Variants in TUBG1 observed in about 807,000 individuals in gnomAD.
The protein encoded by TUBG1 is tubulin gamma-1 chain.
A neutral mutation model predicts 53.3 loss-of-function variants in TUBG1; 22 were observed. That is an observed-to-expected ratio of 0.41 (90% CI 0.29 to 0.59). The LOEUF (loss-of-function observed/expected upper bound fraction) is 0.59. Ranked by LOEUF, TUBG1 falls within the 20% of genes least tolerant of loss-of-function variation. TUBG1 has a pLI of 0.26. For missense variants in TUBG1, 217 were observed against 598.9 expected (o/e 0.36, Z 6.66); for synonymous variants, 198 against 236.7 (o/e 0.84, Z 1.50).
chr17:42,609,751 T>TC lies in TUBG1; in HGVS notation c.15dup (p.Ile6HisfsTer41). On this transcript the variant is annotated frameshift_variant, in exon 1 of 11. Coordinates refer to ENST00000251413, the MANE Select transcript of TUBG1 (RefSeq NM_001070.5). LOFTEE classifies it high-confidence loss of function. ...GCCTGAGGAGCGATGCCGAGGGAAA[T>TC]CATCACCCTACAGTTGGGCCAGTGC... 2 of 1,550,954 alleles carry TC rather than the reference T, an allele frequency of 1.3e-6. No homozygotes were observed. The highest frequency in any genetic ancestry group is 1.7e-6 in the Non-Finnish European group (2 of 1,146,716).
Position 42,614,836 on chromosome 17 carries a change from AC to A in TUBG1, c.1159-4del, listed in dbSNP as rs1437095447. 1.2e-6 allele frequency: 2 copies of A among 1,614,052 alleles called. No homozygotes were observed. Among genetic ancestry groups the A allele is most frequent in the South Asian group, 2.2e-5 (2 of 91,082 alleles). On this transcript the variant is annotated splice_polypyrimidine_tract_variant and splice_region_variant and intron_variant, in intron 10 of 10. Coordinates refer to ENST00000251413, the MANE Select transcript of TUBG1 (RefSeq NM_001070.5). This position sits in a 1 kb window ranked among gnomAD's most constrained non-coding sequence, Gnocchi z 5.1. ...TCTTTGTAACCCCTGTTTTCTGCACACCCCAAGCTCTTCGAGAGAACCTGTC... is the reference window on the plus strand; with the variant it reads ...TCTTTGTAACCCCTGTTTTCTGCACACCCAAGCTCTTCGAGAGAACCTGTC...
chr17:42,612,647 C>G, intron 5 of TUBG1, 141 bp downstream of exon 5: 3 of 856,224 alleles, frequency 3.5e-6, no homozygotes, highest in Non-Finnish European at 5.5e-6. Context: ...AATGAAGTTA[C>G]AATGACTGAG....
chr17:42,612,872 G>T, intron 5 of TUBG1, 75 bp from the exon 6 acceptor site: 1 of 1,586,232 alleles, frequency 6.3e-7, no homozygotes, highest in South Asian at 1.1e-5. Context: ...ATCTGCTTCT[G>T]GACAGTTGTT....
At chr17:42,613,138 A>G in intron 6 of TUBG1, 65 bp downstream of exon 6, 5 of 1,559,818 alleles carry the variant, frequency 3.2e-6, no homozygotes, top group Non-Finnish European at 4.3e-6. Context: ...CTATTAAATC[A>G]TTTTCATGTA....
chr17:42,614,672 T>G lies in TUBG1; in HGVS notation c.1158+15T>G, dbSNP rs1443297674. On this transcript the variant is annotated intron_variant, in intron 10 of 10. Transcript: ENST00000251413. This position sits in a 1 kb window ranked among gnomAD's most constrained non-coding sequence, Gnocchi z 5.1. ...GCATCTCCTCGGTGAGTCTCAAAGT[T>G]TGCACCTTTTTTCCCTGAATCAGTT... The G allele has an allele frequency of 6.2e-7, 1 of 1,613,438 alleles. No homozygotes were observed. Among genetic ancestry groups the G allele is most frequent in the Admixed American group, 1.7e-5 (1 of 59,980 alleles).
At position 42,615,151 on chromosome 17, in the gene TUBG1, T is replaced by C. The variant is rs1446767138; in HGVS notation, c.*110T>C. Reference sequence around the variant, plus strand: ...GGACCTCACGCATCTCTTTCTCATATACATGGACTCTCTGTTGGCCTGCAA... The same window carrying C: ...GGACCTCACGCATCTCTTTCTCATACACATGGACTCTCTGTTGGCCTGCAA... On this transcript the variant is annotated 3_prime_UTR_variant, in exon 11 of 11. Transcript: ENST00000251413. The C allele has an allele frequency of 2.2e-5, 22 of 999,254 alleles. No individual in the cohort carries two copies. The East Asian group carries it at 5.3e-4, about 24-fold the overall frequency. The allele number at this position is 999,254 out of a possible 1,614,324, so 61.9% of individuals were successfully genotyped here.
intron 7 of TUBG1, 24 bp from the exon 8 acceptor site, chr17:42,613,825 A>AT: frequency 6.2e-7 from 1 of 1,614,120 alleles, no homozygotes; most frequent in Non-Finnish European, 8.5e-7. Flanking sequence ...GCTGAGGCCC[A>AT]TAACATGGCA....
In TUBG1 at chr17:42,615,110, TCAGAGCA is replaced by T. The variant is rs1479159597; in HGVS notation, c.*74_*80del. The T allele has an allele frequency of 3.3e-6, 5 of 1,522,150 alleles. No individual in the cohort carries two copies. Among genetic ancestry groups the T allele is most frequent in the Non-Finnish European group, 4.5e-6 (5 of 1,104,034 alleles). The allele number at this position is 1,522,150 out of a possible 1,614,324, so 94.3% of individuals were successfully genotyped here. A position where few individuals can be genotyped will look rare whatever the true frequency, so the allele number is the denominator to read the frequency against. ...AAGCCCTGCCTGACTGACCACCCCC[TCAGAGCA>T]CAGATCAGGGACCTCACGCATCTCT... On this transcript the variant is annotated 3_prime_UTR_variant, in exon 11 of 11. Coordinates refer to ENST00000251413, the MANE Select transcript of TUBG1 (RefSeq NM_001070.5).
Position 42,614,041 on chromosome 17 carries a change from C to A in TUBG1, c.843+43C>A. The A allele has an allele frequency of 6.2e-7, 1 of 1,613,548 alleles. No homozygotes were observed. Among genetic ancestry groups the A allele is most frequent in the Non-Finnish European group, 8.5e-7 (1 of 1,179,668 alleles). On this transcript the variant is annotated intron_variant, in intron 8 of 10. Transcript: ENST00000251413. The surrounding 1 kb of genome is among the most constrained non-coding windows in gnomAD (Gnocchi z 5.1). ...TGTCCCAGGCCAGGCCGGCCCTGGG[C>A]CCAACAGGCCCTGTCCTAGCCTTTC...
intron 3 of TUBG1, 102 bp downstream of exon 3, chr17:42,610,692 T>C: frequency 6.5e-7 from 1 of 1,543,350 alleles, no homozygotes; most frequent in African/African-American, 1.4e-5. Context: ...GTATGAATGC[T>C]GGAGGGAGAG....
At position 42,615,050 on chromosome 17, in the gene TUBG1, G is replaced by A. The variant is rs1355128116; in HGVS notation, c.*9G>A. The A allele has an allele frequency of 1.9e-6, 3 of 1,613,784 alleles. No individual in the cohort carries two copies. The highest frequency in any genetic ancestry group is 1.7e-5 in the Admixed American group (1 of 60,006). Reference sequence around the variant, plus strand: ...GCACCCAGGAGCAGTGAGTCCCCCAGGACAGGGACCCTCATCTGCCTTACT... The same window carrying A: ...GCACCCAGGAGCAGTGAGTCCCCCAAGACAGGGACCCTCATCTGCCTTACT... On this transcript the variant is annotated 3_prime_UTR_variant, in exon 11 of 11. Transcript: ENST00000251413.
Position 42,613,923 on chromosome 17 carries a change from C to T in TUBG1, c.768C>T (p.Leu256=), listed in dbSNP as rs2052055580. 1.2e-6 allele frequency: 2 copies of T among 1,614,220 alleles called. No individual in the cohort carries two copies. Among genetic ancestry groups the T allele is most frequent in the Non-Finnish European group, 1.7e-6 (2 of 1,180,044 alleles). ...PGYMNNDLIG[L]IASLIPTPRL... ...ACATGAACAATGACCTCATCGGCCT[C>T]ATCGCCTCGCTCATTCCCACCCCAC... is the stretch of plus-strand genomic sequence containing the variant. Residue 256 remains leucine, a synonymous_variant, in exon 8 of 11, where the codon CTC becomes CTT. Coordinates refer to ENST00000251413, the MANE Select transcript of TUBG1 (RefSeq NM_001070.5).
At chr17:42,611,366 C>A (rs144983059) in intron 3 of TUBG1, 51 of 152,210 alleles carry the variant, frequency 3.4e-4, no homozygotes, top group African/African-American at 1.2e-3. Flanking sequence ...ATAAAAATTC[C>A]CACTGGAATT....
Position 42,615,227 on chromosome 17 carries a change from G to A in TUBG1, c.*186G>A, listed in dbSNP as rs1473885833. On this transcript the variant is annotated 3_prime_UTR_variant, in exon 11 of 11. Transcript: ENST00000251413. Reference sequence around the variant, plus strand: ...ACTATTTATCTTTAATAAAGCACTGGATATAAATCAAGTCACTGCTCCCTT... The same window carrying A: ...ACTATTTATCTTTAATAAAGCACTGAATATAAATCAAGTCACTGCTCCCTT... The A allele has an allele frequency of 1.7e-6, 1 of 595,850 alleles. No individual in the cohort carries two copies. The highest frequency in any genetic ancestry group is 2.9e-6 in the Non-Finnish European group (1 of 342,518). 36.9% of individuals were successfully genotyped at this position (595,850 alleles called of 1,614,324 possible).
At chr17:42,612,861 T>C in intron 5 of TUBG1, 86 bp from the exon 6 acceptor site, 1 of 1,558,608 alleles carries the variant, frequency 6.4e-7, no homozygotes, top group Non-Finnish European at 8.7e-7. Flanking sequence ...CATCAAGATT[T>C]ATCTGCTTCT....
In TUBG1 at chr17:42,613,935, C is replaced by G. The variant is rs1386230636; in HGVS notation, c.780C>G (p.Leu260=). The change falls in exon 8 of 11, where the codon CTC becomes CTG. Residue 260 remains leucine, a synonymous_variant. Coordinates refer to ENST00000251413, the MANE Select transcript of TUBG1 (RefSeq NM_001070.5). ...NNDLIGLIAS[L]IPTPRLHFLM... is the part of the protein sequence containing the mutation. Reference sequence around the variant, plus strand: ...ACCTCATCGGCCTCATCGCCTCGCTCATTCCCACCCCACGGCTCCACTTCC... The same window carrying G: ...ACCTCATCGGCCTCATCGCCTCGCTGATTCCCACCCCACGGCTCCACTTCC... The G allele has an allele frequency of 1.2e-6, 2 of 1,614,092 alleles. No individual in the cohort carries two copies. The highest frequency in any genetic ancestry group is 2.7e-5 in the African/African-American group (2 of 74,924).
chr17:42,613,601 G>C (rs2052052738), intron 6 of TUBG1, 46 bp from the exon 7 acceptor site: 2 of 1,613,918 alleles, frequency 1.2e-6, no homozygotes, highest in Non-Finnish European at 1.7e-6. Context: ...CAGAGCTCCT[G>C]TTTTTCTTAT....
chr17:42,614,060 GC>G lies in TUBG1; in HGVS notation c.843+64del. ...CCTGGGCCCAACAGGCCCTGTCCTA[GC>G]CTTTCTCTCTTCCCCACTGCCCCAG... On this transcript the variant is annotated intron_variant, in intron 8 of 10. Transcript: ENST00000251413. This position sits in a 1 kb window ranked among gnomAD's most constrained non-coding sequence, Gnocchi z 5.1. 1 of 1,610,248 alleles carries G rather than the reference GC, an allele frequency of 6.2e-7. No individual in the cohort carries two copies. Among genetic ancestry groups the G allele is most frequent in the South Asian group, 1.1e-5 (1 of 90,780 alleles).
chr17:42,615,210 T>G lies in TUBG1; in HGVS notation c.*169T>G. On this transcript the variant is annotated 3_prime_UTR_variant, in exon 11 of 11. Coordinates refer to ENST00000251413, the MANE Select transcript of TUBG1 (RefSeq NM_001070.5). ...ACTTCTCCTCTTATGAGACTATTTATCTTTAATAAAGCACTGGATATAAAT... is the reference window on the plus strand; with the variant it reads ...ACTTCTCCTCTTATGAGACTATTTAGCTTTAATAAAGCACTGGATATAAAT... 1 of 633,886 alleles carries G rather than the reference T, an allele frequency of 1.6e-6. No homozygotes were observed. The highest frequency in any genetic ancestry group is 2.7e-6 in the Non-Finnish European group (1 of 369,398). The allele number at this position is 633,886 out of a possible 1,614,324, so 39.3% of individuals were successfully genotyped here. A position where few individuals can be genotyped will look rare whatever the true frequency, so the allele number is the denominator to read the frequency against.
Sources: allele counts gnomAD v4.1 joint callset, GRCh38; gene constraint gnomAD v4.1.1; non-coding constraint Gnocchi (gnomAD v3.1); transcripts MANE v1.5; gene names NCBI Gene and HGNC (gene_info 2026-07-23, HGNC 2026-07-21).